MYOM1: variants seen among roughly 807,000 people sequenced by gnomAD.
MYOM1 encodes myomesin 1.
A neutral mutation model predicts 205.3 loss-of-function variants in MYOM1; 164 were observed. That is an observed-to-expected ratio of 0.80 (90% CI 0.70 to 0.91). MYOM1 has a LOEUF of 0.91. Among genes scored for constraint, MYOM1 ranks in the 40% least tolerant of loss-of-function variants. The pLI, the probability that MYOM1 is intolerant of heterozygous loss-of-function variation, is 0.00. For missense variants in MYOM1, 2,011 were observed against 2,127.3 expected, an observed-to-expected ratio of 0.95 and a Z score of 1.08; for synonymous variants, 772 against 789.4, an observed-to-expected ratio of 0.98 and a Z score of 0.37.
chr18:3,127,305 A>ATAT (rs56880961), intron 18 of MYOM1, among the ~76,000 whole-genome samples: 4,973 of 47,714 alleles, frequency 0.1, 457 homozygotes, highest in Non-Finnish European at 0.13. Context: ...ATATATATAT[A>ATAT]TTTTTTTTTT....
chr18:3,070,773 T>C lies in MYOM1; in HGVS notation c.4764+1061A>G, dbSNP rs12458425. Among the ~76,000 whole-genome samples the C allele has an allele frequency of 1.6e-3, 233 of 147,496 alleles. 2 individuals carry two copies. Among genetic ancestry groups the C allele is most frequent in the African/African-American group, 4.8e-3 (192 of 39,932 alleles). On this transcript the variant is annotated intron_variant, in intron 37 of 37. Transcript: ENST00000356443. Reference sequence around the variant, plus strand: ...GTGTGTGTGTGTGTGTGTGTGTGTGTGCACGTGTGTGTGTTTGTATGACAG... The same window carrying C: ...GTGTGTGTGTGTGTGTGTGTGTGTGCGCACGTGTGTGTGTTTGTATGACAG...
At chr18:3,227,968 A>T in the MYOM1 span, among the ~76,000 whole-genome samples, 3 of 1,028 alleles carry the variant, frequency 2.9e-3, no homozygotes, top group African/African-American at 0.02. Context: ...ACAATTTTTT[A>T]AAAAAAGGAA....
chr18:3,125,560 C>T (rs2079767478), intron 19 of MYOM1, among the ~76,000 whole-genome samples: 1 of 143,240 alleles, frequency 7.0e-6, no homozygotes, highest in Non-Finnish European at 1.5e-5. Flanking sequence ...GAAACTCCAT[C>T]TCAAAAAAAA....
At position 3,189,361 on chromosome 18, in the gene MYOM1, CTTTT is replaced by C. The variant is rs35154072; in HGVS notation, c.432-278_432-275del. Among the ~76,000 whole-genome samples the C allele has an allele frequency of 6.9e-6, 1 of 144,024 alleles. No homozygotes were observed. Among genetic ancestry groups the C allele is most frequent in the Admixed American group, 6.9e-5 (1 of 14,420 alleles). The allele number at this position is 144,024 out of a possible 152,430, so 94.5% of individuals were successfully genotyped here. On this transcript the variant is annotated intron_variant, in intron 3 of 37. Transcript: ENST00000356443. This position sits in a 1 kb window ranked among gnomAD's most constrained non-coding sequence, Gnocchi z 4.8. ...CCCCTTACAAACCCTATGAGATAAA[CTTTT>C]TTTTTTTTTTTGATATGGAGTCTCG... is the stretch of plus-strand genomic sequence containing the variant.
intron 9 of MYOM1, among the ~76,000 whole-genome samples, chr18:3,166,063 T>C (rs1163826588): frequency 6.6e-6 from 1 of 152,174 alleles, no homozygotes; most frequent in Non-Finnish European, 1.5e-5. Context: ...TCCGATCATG[T>C]GCATGTGCCA....
intron 2 of MYOM1, among the ~76,000 whole-genome samples, chr18:3,213,345 G>A (rs1303665886): frequency 2.0e-5 from 3 of 152,178 alleles, no homozygotes; most frequent in Non-Finnish European, 1.5e-5. Context: ...CTTTGGAGAA[G>A]AGGAAAAGAG....
At chr18:3,215,370 A>T (rs2081251831) in intron 1 of MYOM1, 119 bp from the exon 2 acceptor site, 4 of 804,620 alleles carry the variant, frequency 5.0e-6, no homozygotes, top group Non-Finnish European at 7.6e-6. Flanking sequence ...TCATGCTTGA[A>T]ATCCCAACGA....
At chr18:3,127,305 A>ATATATATATATTTT (rs56880961) in intron 18 of MYOM1, among the ~76,000 whole-genome samples, 45 of 47,566 alleles carry the variant, frequency 9.5e-4, no homozygotes, top group Non-Finnish European at 1.2e-3. Flanking sequence ...ATATATATAT[A>ATATATATATATTTT]TTTTTTTTTT....
chr18:3,240,410 G>A, the MYOM1 span, among the ~76,000 whole-genome samples: 1 of 152,208 alleles, frequency 6.6e-6, no homozygotes, highest in African/African-American at 2.4e-5. Flanking sequence ...CTGTTCTCAT[G>A]ATAGTGAATA....
chr18:3,120,510 G>T (rs1002864356), intron 19 of MYOM1, among the ~76,000 whole-genome samples: 1 of 152,146 alleles, frequency 6.6e-6, no homozygotes, highest in African/African-American at 2.4e-5. Context: ...CCAACAACCT[G>T]AGCGGGCTTG....
At chr18:3,156,323 C>T (rs954250078) in intron 10 of MYOM1, among the ~76,000 whole-genome samples, 12 of 152,314 alleles carry the variant, frequency 7.9e-5, no homozygotes, top group Middle Eastern at 3.4e-3. Flanking sequence ...CTATGATCTA[C>T]ATTCTGTAAC....
At position 3,129,490 on chromosome 18, in the gene MYOM1, C is replaced by G; in HGVS notation, c.2536G>C (p.Ala846Pro). 6.2e-7 allele frequency: 1 copy of G among 1,613,458 alleles called. No individual in the cohort carries two copies. The highest frequency in any genetic ancestry group is 1.1e-5 in the South Asian group (1 of 91,028). ...AGTCCACCAGGCTCATCGCTCAGTG[C>G]GGGACACACATCTGGAGACACTCCT... ...GGGVSPDVCP[A>P]LSDEPGGLTA... Residue 846 changes from alanine (A) to proline (P), a missense_variant, in exon 18 of 38, where the codon GCA (alanine) becomes CCA (proline). Coordinates refer to ENST00000356443, the MANE Select transcript of MYOM1 (RefSeq NM_003803.4).
chr18:3,155,163 G>A (rs1420088989), intron 10 of MYOM1, 75 bp from the exon 11 acceptor site: 14 of 1,402,860 alleles, frequency 1.0e-5, no homozygotes, highest in Non-Finnish European at 1.3e-5. Context: ...CAGCGCACAC[G>A]CTTCTTACCA....
intron 34 of MYOM1, 59 bp from the exon 35 acceptor site, chr18:3,075,820 G>T (rs943466161): frequency 6.8e-7 from 1 of 1,460,548 alleles, no homozygotes. Flanking sequence ...ACACACAGGG[G>T]CGATTAAAAT....
At chr18:3,238,814 C>T in the MYOM1 span, among the ~76,000 whole-genome samples, 3 of 152,114 alleles carry the variant, frequency 2.0e-5, no homozygotes, top group Non-Finnish European at 4.4e-5. Flanking sequence ...TAGAGGCTTC[C>T]TGCATTCCCT....
chr18:3,084,145 T>A, intron 31 of MYOM1, 118 bp from the exon 32 acceptor site: 1 of 1,066,308 alleles, frequency 9.4e-7, no homozygotes, highest in Non-Finnish European at 1.4e-6. Flanking sequence ...GGAAACAAGG[T>A]GAATTTGTCG....
chr18:3,211,387 T>C (rs1319919790), intron 2 of MYOM1, among the ~76,000 whole-genome samples: 3 of 152,302 alleles, frequency 2.0e-5, no homozygotes, highest in African/African-American at 7.2e-5. Context: ...ACGGAGCTCC[T>C]TGAAAATCCG....
At chr18:3,157,781 T>C (rs1252066536) in intron 10 of MYOM1, among the ~76,000 whole-genome samples, 1 of 151,322 alleles carries the variant, frequency 6.6e-6, no homozygotes, top group Non-Finnish European at 1.5e-5. Context: ...ATACTTGGGA[T>C]GACAAGAGGC....
intron 2 of MYOM1, among the ~76,000 whole-genome samples, chr18:3,199,393 A>T (rs1449252560): frequency 1.3e-5 from 2 of 152,238 alleles, no homozygotes; most frequent in Non-Finnish European, 2.9e-5. Context: ...AGGTAGTCAC[A>T]GGGTCCTTCA....
Sources: gnomAD v4.1 joint callset for allele counts (sites outside exome capture counted in the v4.1 genomes callset) on GRCh38, gnomAD v4.1.1 for gene constraint, Gnocchi (gnomAD v3.1) non-coding constraint, MANE v1.5 for transcripts, NCBI Gene and HGNC (gene_info 2026-07-23, HGNC 2026-07-21) for gene names.